The following NEK7 variants were observed in gnomAD, a reference collection of about 807,000 sequenced individuals.
NEK7 encodes the protein NIMA related kinase 7, also known as serine/threonine-protein kinase Nek7.
In NEK7, 18 loss-of-function variants were observed where a neutral mutation model predicts 44.6. The ratio of observed to expected loss-of-function variants is 0.40; its 90% CI spans 0.28 to 0.60. The LOEUF (loss-of-function observed/expected upper bound fraction) is 0.60. Ranked by LOEUF, NEK7 falls within the 20% of genes least tolerant of loss-of-function variation. The probability of loss-of-function intolerance (pLI) is 0.38; values close to 1 mark genes in which losing one functional copy is unlikely to be tolerated. For synonymous variants in NEK7, 130 were observed against 121.1 expected, an observed-to-expected ratio of 1.07 and a Z score of -0.48; for missense variants, 256 against 366.5, an observed-to-expected ratio of 0.70 and a Z score of 2.46.
chr1:198,319,599 G>T lies in NEK7; in HGVS notation c.*77G>T. The T allele has an allele frequency of 3.5e-6, 5 of 1,425,662 alleles. No individual in the cohort carries two copies. The highest frequency in any genetic ancestry group is 4.9e-5 in the East Asian group (2 of 40,730). 88.3% of individuals were successfully genotyped at this position (1,425,662 alleles called of 1,614,324 possible). The stretch of plus-strand genomic sequence containing the variant: ...AAGTCATACCTCCCCATTTATGTCT[G>T]GTGTTAAGATTAATATTTCAGAGCT... On this transcript the variant is annotated 3_prime_UTR_variant, in exon 10 of 10. Transcript: ENST00000367385.
Position 198,185,067 on chromosome 1 carries a change from A to G in NEK7, c.-29+27791A>G, listed in dbSNP as rs144050134. Reference sequence around the variant, plus strand: ...GGTACTAGGAAAACTTACAGTAAAAACAGTGTCTTACTGTTGTTTTTAGTA... The same window carrying G: ...GGTACTAGGAAAACTTACAGTAAAAGCAGTGTCTTACTGTTGTTTTTAGTA... On this transcript the variant is annotated intron_variant, in intron 1 of 9. Transcript: ENST00000367385. 8.9e-3 allele frequency among the ~76,000 whole-genome samples: 1,352 copies of G among 152,152 alleles called. 13 individuals are homozygous for G. The highest frequency in any genetic ancestry group is 0.011 in the Admixed American group (166 of 15,286).
intron 2 of NEK7, among the ~76,000 whole-genome samples, chr1:198,237,616 C>T (rs997278615): frequency 6.6e-6 from 1 of 152,188 alleles, no homozygotes; most frequent in Non-Finnish European, 1.5e-5. Context: ...TCCACTGCTG[C>T]TACTCTGAAG....
At chr1:198,289,131 T>TTGTGTGTGTGTGTG in intron 7 of NEK7, among the ~76,000 whole-genome samples, 1 of 148,868 alleles carries the variant, frequency 6.7e-6, no homozygotes, top group African/African-American at 2.5e-5. Context: ...TTCCCTGAAG[T>TTGTGTGTGTGTGTG]TGTGTGTGTG....
chr1:198,159,228 G>A (rs954937972), intron 1 of NEK7, among the ~76,000 whole-genome samples: 2 of 152,172 alleles, frequency 1.3e-5, no homozygotes, highest in African/African-American at 4.8e-5. Flanking sequence ...GCTCGGAGAA[G>A]GCCGCGTTAG....
At chr1:198,162,461 T>C (rs6661405) in intron 1 of NEK7, among the ~76,000 whole-genome samples, 3,893 of 152,278 alleles carry the variant, frequency 0.026, 165 homozygotes, top group African/African-American at 0.088. Flanking sequence ...CTTGGTTGAG[T>C]TGCTCATTTT....
chr1:198,220,987 A>G (rs1353176318), intron 1 of NEK7: 1 of 152,098 alleles, frequency 6.6e-6, no homozygotes, highest in Non-Finnish European at 1.5e-5. Flanking sequence ...TTGAAAAGAC[A>G]CTTTATTTCA....
At chr1:198,172,584 A>G (rs1343876158) in intron 1 of NEK7, among the ~76,000 whole-genome samples, 3 of 152,294 alleles carry the variant, frequency 2.0e-5, no homozygotes, top group Non-Finnish European at 2.9e-5. Context: ...TTTACATACC[A>G]TCTTGGTGCT....
At chr1:198,291,881 A>G (rs111343434) in intron 7 of NEK7, among the ~76,000 whole-genome samples, 3 of 152,178 alleles carry the variant, frequency 2.0e-5, no homozygotes, top group African/African-American at 7.2e-5. Flanking sequence ...ATTGGTGTGA[A>G]TCTTTTTGTT....
At chr1:198,173,267 A>G (rs1664505740) in intron 1 of NEK7, among the ~76,000 whole-genome samples, 1 of 152,082 alleles carries the variant, frequency 6.6e-6, no homozygotes, top group Admixed American at 6.6e-5. Flanking sequence ...TGTCTCTACA[A>G]AAAATTAAAA....
At chr1:198,232,148 A>C (rs1666415646) in intron 1 of NEK7, among the ~76,000 whole-genome samples, 1 of 152,202 alleles carries the variant, frequency 6.6e-6, no homozygotes, top group Non-Finnish European at 1.5e-5. Flanking sequence ...AAAAGAAAGT[A>C]CTAACATTTT....
At chr1:198,239,185 A>G (rs1180577751) in intron 2 of NEK7, among the ~76,000 whole-genome samples, 3 of 152,200 alleles carry the variant, frequency 2.0e-5, no homozygotes, top group African/African-American at 7.2e-5. Flanking sequence ...TTTCTAAAGT[A>G]TACATTTTAT....
intron 5 of NEK7, among the ~76,000 whole-genome samples, 192 bp downstream of exon 5, chr1:198,264,427 A>G (rs1653583526): frequency 6.6e-6 from 1 of 152,042 alleles, no homozygotes. Context: ...TGATGTTTAC[A>G]CTGATCAGCT....
At chr1:198,313,259 C>T (rs376164338) in intron 9 of NEK7, among the ~76,000 whole-genome samples, 9 of 151,986 alleles carry the variant, frequency 5.9e-5, no homozygotes, top group Non-Finnish European at 1.2e-4. Flanking sequence ...CTAGGATTGC[C>T]ACCCCTCCCT....
At chr1:198,258,998 A>G (rs1232915729) in intron 3 of NEK7, among the ~76,000 whole-genome samples, 1 of 152,198 alleles carries the variant, frequency 6.6e-6, no homozygotes, top group South Asian at 2.1e-4. Flanking sequence ...AGAAAAAGAA[A>G]GATAAGATAC....
chr1:198,256,132 C>T (rs538950891), intron 3 of NEK7, among the ~76,000 whole-genome samples: 51 of 152,226 alleles, frequency 3.4e-4, no homozygotes, highest in African/African-American at 1.2e-3. Context: ...CCACTAGACT[C>T]CTTGAATACT....
At chr1:198,295,764 A>T (rs1463765931) in intron 8 of NEK7, among the ~76,000 whole-genome samples, 1 of 151,312 alleles carries the variant, frequency 6.6e-6, no homozygotes, top group Non-Finnish European at 1.5e-5. Flanking sequence ...TGTATTTTTA[A>T]GGTAAGATCT....
chr1:198,297,297 T>C, intron 9 of NEK7, 57 bp downstream of exon 9: 1 of 1,600,058 alleles, frequency 6.2e-7, no homozygotes, highest in Non-Finnish European at 8.5e-7. Context: ...ACATTTTTAT[T>C]TTACCAAGAA....
intron 1 of NEK7, among the ~76,000 whole-genome samples, chr1:198,166,918 A>G (rs1664286293): frequency 6.6e-6 from 1 of 152,234 alleles, no homozygotes; most frequent in African/African-American, 2.4e-5. Context: ...AAAAAACACA[A>G]TGTGTGAAGC....
At chr1:198,317,201 CTT>C (rs896593291) in intron 9 of NEK7, among the ~76,000 whole-genome samples, 6 of 152,098 alleles carry the variant, frequency 3.9e-5, no homozygotes, top group African/African-American at 1.2e-4. Flanking sequence ...AAAGGAAACT[CTT>C]TATGACAAGA....
Sources: allele counts gnomAD v4.1 joint callset (sites outside exome capture counted in the v4.1 genomes callset), GRCh38; gene constraint gnomAD v4.1.1; transcripts MANE v1.5; gene names NCBI Gene and HGNC (gene_info 2026-07-23, HGNC 2026-07-21).